Variants in DNASE1 observed in about 807,000 individuals in gnomAD.
DNASE1 encodes the protein deoxyribonuclease-1.
In DNASE1, 40 loss-of-function variants were observed where a neutral mutation model predicts 33.9. That is an observed-to-expected ratio of 1.18 (90% CI 0.92 to 1.54). DNASE1 has a LOEUF of 1.54. Among genes scored for constraint, DNASE1 ranks in the 40% most tolerant of loss-of-function variants. DNASE1 has a pLI of 0.00. For synonymous variants in DNASE1, 216 were observed against 160.0 expected (o/e 1.35, Z -2.64); for missense variants, 518 against 372.6 (o/e 1.39, Z -3.21).
chr16:3,611,797 A>C (rs1258290769), exon 1 of DNASE1: 1 of 152,140 alleles, frequency 6.6e-6, no homozygotes, highest in Admixed American at 6.5e-5. Context: ...GGAGTCTGTT[A>C]GTTTTTGAGA....
At chr16:3,627,648 AC>A (rs2041556837) in intron 1 of DNASE1, among the ~76,000 whole-genome samples, 1 of 152,140 alleles carries the variant, frequency 6.6e-6, no homozygotes, top group African/African-American at 2.4e-5. Flanking sequence ...TTTCTCAGCA[AC>A]ATTTATTAAA....
At chr16:3,662,970 G>C, downstream of DNASE1, 2 of 1,606,912 alleles carry the variant, frequency 1.2e-6, no homozygotes, top group Non-Finnish European at 1.7e-6. Context: ...CTCGGCGGCT[G>C]CGGAAGAGCA....
exon 10 of DNASE1, chr16:3,663,703 G>C: frequency 9.9e-7 from 1 of 1,012,588 alleles, no homozygotes; most frequent in Non-Finnish European, 1.4e-6. Flanking sequence ...TCCTAGGCCT[G>C]CATGACAGTT....
In DNASE1 at chr16:3,654,694, GT is replaced by G; in HGVS notation, c.-347del. ...AGTGCAAACGTGATTATCAGGTGCA[GT>G]TTTTACAGCAGCAAGAAACCTGTGC... On this transcript the variant is annotated 5_prime_UTR_variant, in exon 1 of 9. Coordinates refer to ENST00000246949, the MANE Select transcript of DNASE1 (RefSeq NM_005223.4). 1 of 399,636 alleles carries G rather than the reference GT, an allele frequency of 2.5e-6. No homozygotes were observed. The highest frequency in any genetic ancestry group is 3.6e-5 in the East Asian group (1 of 28,084). The allele number at this position is 399,636 out of a possible 1,614,324, so 24.8% of individuals were successfully genotyped here. A position where few individuals can be genotyped will look rare whatever the true frequency, so the allele number is the denominator to read the frequency against.
chr16:3,665,241 TC>T (rs2050803426), exon 10 of DNASE1: 1 of 152,144 alleles, frequency 6.6e-6, no homozygotes, highest in Non-Finnish European at 1.5e-5. Context: ...GAACACGGCC[TC>T]CTTGGGACCC....
rs755380769 is a variant in DNASE1 at position 3,663,421 on chromosome 16, G to A, written c.*5468G>A. On this transcript the variant is annotated 3_prime_UTR_variant, in exon 10 of 10. Transcript: ENST00000407479. ...CCACGCCTAGAGAGCAGGGGATGCC[G>A]ACCTGGGGACCTGTCCTCAAACTTC... is the stretch of plus-strand genomic sequence containing the variant. 5.3e-5 allele frequency: 85 copies of A among 1,613,906 alleles called. 1 individual carries two copies. Among genetic ancestry groups the A allele is most frequent in the South Asian group, 1.9e-4 (17 of 91,060 alleles).
At chr16:3,635,666 T>C (rs745839351) in intron 1 of DNASE1, among the ~76,000 whole-genome samples, 5 of 151,894 alleles carry the variant, frequency 3.3e-5, no homozygotes, top group Non-Finnish European at 7.4e-5. Context: ...TCTTCTCTTT[T>C]GAAGGGTAAT....
intron 1 of DNASE1, among the ~76,000 whole-genome samples, chr16:3,633,867 G>A (rs949153121): frequency 6.6e-6 from 1 of 152,000 alleles, no homozygotes; most frequent in Non-Finnish European, 1.5e-5. Flanking sequence ...GAAGTGCGGT[G>A]GCTCGATCTC....
chr16:3,648,407 A>G (rs1398974562), intron 1 of DNASE1, among the ~76,000 whole-genome samples: 1 of 152,102 alleles, frequency 6.6e-6, no homozygotes, highest in Non-Finnish European at 1.5e-5. Flanking sequence ...CTAAAAATAC[A>G]AAAAATTAGC....
At chr16:3,613,103 C>G (rs1023139781) in intron 1 of DNASE1, among the ~76,000 whole-genome samples, 1 of 152,114 alleles carries the variant, frequency 6.6e-6, no homozygotes, top group Non-Finnish European at 1.5e-5. Flanking sequence ...AACCCCAAAT[C>G]GAACCTGCCG....
At chr16:3,662,158 G>A (rs377116981), downstream of DNASE1, 23 of 1,596,090 alleles carry the variant, frequency 1.4e-5, no homozygotes, top group African/African-American at 1.9e-4. Context: ...GGGGTTGAGG[G>A]TGATAGAGGT....
chr16:3,641,289 G>C (rs541666770), upstream of DNASE1: 15 of 204,288 alleles, frequency 7.3e-5, no homozygotes, highest in Admixed American at 6.6e-4. Flanking sequence ...CCGCTCCCCA[G>C]AGCCCTGCGA....
intron 1 of DNASE1, among the ~76,000 whole-genome samples, chr16:3,613,916 T>A (rs900648164): frequency 9.7e-5 from 14 of 144,846 alleles, no homozygotes; most frequent in East Asian, 2.4e-4. Context: ...TAATTTTTTT[T>A]TTTTTTTTTT....
chr16:3,662,108 G>T, downstream of DNASE1: 1 of 1,613,064 alleles, frequency 6.2e-7, no homozygotes, highest in South Asian at 1.1e-5. Flanking sequence ...ACCATGGCAG[G>T]GTGGGTGTCC....
chr16:3,633,966 G>A (rs906321906), intron 1 of DNASE1, among the ~76,000 whole-genome samples: 1 of 151,642 alleles, frequency 6.6e-6, no homozygotes. Context: ...CCACCACCAC[G>A]CCTGGCTAAG....
chr16:3,658,410 A>C, downstream of DNASE1: 1 of 613,508 alleles, frequency 1.6e-6, no homozygotes, highest in Non-Finnish European at 2.8e-6. Context: ...GTGAGCCACC[A>C]CGCCTGGCCA....
intron 1 of DNASE1, among the ~76,000 whole-genome samples, chr16:3,627,951 A>AG (rs1168285675): frequency 1.3e-5 from 2 of 151,862 alleles, no homozygotes; most frequent in Non-Finnish European, 2.9e-5. Context: ...AAAAAAAAAA[A>AG]AAAAAAAAAA....
intron 1 of DNASE1, among the ~76,000 whole-genome samples, chr16:3,615,878 C>G (rs2041082576): frequency 6.6e-6 from 1 of 152,132 alleles, no homozygotes; most frequent in Non-Finnish European, 1.5e-5. Context: ...ATTGAAGGGC[C>G]CTTATCCCAG....
At chr16:3,643,493 C>A (rs1214335599) in intron 1 of DNASE1, among the ~76,000 whole-genome samples, 1 of 152,200 alleles carries the variant, frequency 6.6e-6, no homozygotes, top group Non-Finnish European at 1.5e-5. Flanking sequence ...TGCAGAGGAG[C>A]TTAGTGTGGG....
Sources: gnomAD v4.1 joint callset for allele counts (sites outside exome capture counted in the v4.1 genomes callset) on GRCh38, gnomAD v4.1.1 for gene constraint, MANE v1.5 for transcripts, NCBI Gene and HGNC (gene_info 2026-07-23, HGNC 2026-07-21) for gene names.